Variants in NEK7 observed in about 807,000 individuals in gnomAD.
NEK7 encodes NIMA related kinase 7, also known as serine/threonine-protein kinase Nek7.
A neutral mutation model predicts 44.6 loss-of-function variants in NEK7; 18 were observed. The ratio of observed to expected loss-of-function variants is 0.40; its 90% CI spans 0.28 to 0.60. NEK7 has a LOEUF of 0.60. NEK7 is among the 20% of genes least tolerant of loss of function. The pLI, the probability that NEK7 is intolerant of heterozygous loss-of-function variation, is 0.38. For missense variants in NEK7, 256 were observed against 366.5 expected, an observed-to-expected ratio of 0.70 and a Z score of 2.46; for synonymous variants, 130 against 121.1, an observed-to-expected ratio of 1.07 and a Z score of -0.48.
rs151131232 is a variant in NEK7 at position 198,207,516 on chromosome 1, A to G, written c.-28-25037A>G. ...TTGAGATACGTCCATTCAATGGAGTAGTACTCAGCCATAAAAATGAACAAA... is the reference window on the plus strand; with the variant it reads ...TTGAGATACGTCCATTCAATGGAGTGGTACTCAGCCATAAAAATGAACAAA... On this transcript the variant is annotated intron_variant, in intron 1 of 9. Coordinates refer to ENST00000367385, the MANE Select transcript of NEK7 (RefSeq NM_133494.3). Among the ~76,000 whole-genome samples, 145 of 152,334 alleles carry G rather than the reference A, an allele frequency of 9.5e-4. 5 individuals are homozygous for G. The highest frequency in any genetic ancestry group is 6.8e-3 in the Middle Eastern group (2 of 294).
At chr1:198,247,709 A>C (rs1666874388) in intron 2 of NEK7, among the ~76,000 whole-genome samples, 2 of 151,424 alleles carry the variant, frequency 1.3e-5, no homozygotes, top group African/African-American at 4.9e-5. Context: ...ATAACAAATT[A>C]TTGCTTCTTT....
At chr1:198,267,476 C>CCCAGGGTGGATG (rs1653692206) in intron 5 of NEK7, among the ~76,000 whole-genome samples, 1 of 152,020 alleles carries the variant, frequency 6.6e-6, no homozygotes, top group Admixed American at 6.6e-5. Flanking sequence ...TGGAATCTCA[C>CCCAGGGTGGATG]TCTGTCGCCC....
intron 3 of NEK7, chr1:198,256,593 T>A (rs1234645160): frequency 6.8e-5 from 90 of 1,316,448 alleles, no homozygotes; most frequent in Non-Finnish European, 9.1e-5. Context: ...TGCTGATCAT[T>A]GAATTCATTC....
At chr1:198,182,136 C>A (rs1187968892) in intron 1 of NEK7, among the ~76,000 whole-genome samples, 1 of 152,008 alleles carries the variant, frequency 6.6e-6, no homozygotes, top group East Asian at 1.9e-4. Flanking sequence ...TCAGAATAAT[C>A]ATCTTCTCAA....
chr1:198,184,070 A>T (rs1334713099), intron 1 of NEK7, among the ~76,000 whole-genome samples: 4 of 152,200 alleles, frequency 2.6e-5, no homozygotes, highest in Non-Finnish European at 5.9e-5. Flanking sequence ...CTTTAAAATG[A>T]TTTTATAATG....
chr1:198,261,052 A>G (rs1454987897), intron 3 of NEK7, among the ~76,000 whole-genome samples: 5 of 151,962 alleles, frequency 3.3e-5, no homozygotes, highest in Admixed American at 3.3e-4. Context: ...GTAATTTTAC[A>G]CCCTTATTCC....
chr1:198,196,262 A>C (rs910938904), intron 1 of NEK7, among the ~76,000 whole-genome samples: 1 of 152,226 alleles, frequency 6.6e-6, no homozygotes, highest in South Asian at 2.1e-4. Context: ...TTAGTGCAGC[A>C]ACCAAGTAAA....
chr1:198,186,659 T>C (rs1476824447), intron 1 of NEK7, among the ~76,000 whole-genome samples: 1 of 152,172 alleles, frequency 6.6e-6, no homozygotes, highest in African/African-American at 2.4e-5. Flanking sequence ...TTGGTTGAAC[T>C]CAAATTTTCA....
chr1:198,263,308 A>G (rs565184505), intron 4 of NEK7, among the ~76,000 whole-genome samples: 10 of 151,934 alleles, frequency 6.6e-5, no homozygotes, highest in Non-Finnish European at 1.5e-4. Flanking sequence ...GTAAGGTCAA[A>G]ACAATGTTTT....
chr1:198,189,993 T>A (rs1385068238), intron 1 of NEK7, among the ~76,000 whole-genome samples: 2 of 152,162 alleles, frequency 1.3e-5, no homozygotes, highest in East Asian at 3.8e-4. Context: ...AGGCAAATGT[T>A]AAGAATGCAA....
At chr1:198,294,616 A>G (rs571698864) in intron 8 of NEK7, among the ~76,000 whole-genome samples, 9 of 152,244 alleles carry the variant, frequency 5.9e-5, no homozygotes, top group Admixed American at 4.6e-4. Context: ...TAGATTTAGC[A>G]TACTCATGTC....
At chr1:198,201,282 A>G (rs979248043) in intron 1 of NEK7, among the ~76,000 whole-genome samples, 1 of 152,152 alleles carries the variant, frequency 6.6e-6, no homozygotes, top group Non-Finnish European at 1.5e-5. Context: ...ATTTTAGGAT[A>G]CACTGAATGG....
At chr1:198,222,315 A>G (rs1004741249) in intron 1 of NEK7, among the ~76,000 whole-genome samples, 1 of 152,188 alleles carries the variant, frequency 6.6e-6, no homozygotes, top group South Asian at 2.1e-4. Context: ...GCTTTAGGTG[A>G]TAAACAACTA....
At chr1:198,287,348 C>A (rs1654404931) in intron 7 of NEK7, among the ~76,000 whole-genome samples, 1 of 151,942 alleles carries the variant, frequency 6.6e-6, no homozygotes, top group Non-Finnish European at 1.5e-5. Flanking sequence ...GAGTGTGGAT[C>A]ACGCCACTGC....
chr1:198,226,036 C>T (rs1666212758), intron 1 of NEK7, among the ~76,000 whole-genome samples: 1 of 152,054 alleles, frequency 6.6e-6, no homozygotes, highest in South Asian at 2.1e-4. Context: ...ACTGGTGATA[C>T]AGCTGTGGAT....
At chr1:198,231,232 T>C (rs1353247868) in intron 1 of NEK7, among the ~76,000 whole-genome samples, 1 of 147,614 alleles carries the variant, frequency 6.8e-6, no homozygotes, top group African/African-American at 2.5e-5. Context: ...TGCAAATAAA[T>C]AGCCAGTGCA....
intron 1 of NEK7, among the ~76,000 whole-genome samples, chr1:198,169,932 T>C (rs1457297267): frequency 2.0e-5 from 3 of 152,162 alleles, no homozygotes; most frequent in Non-Finnish European, 4.4e-5. Flanking sequence ...ATTTAAAGAA[T>C]GGCAGATGAC....
At chr1:198,258,809 C>T (rs1653360046) in intron 3 of NEK7, among the ~76,000 whole-genome samples, 2 of 152,100 alleles carry the variant, frequency 1.3e-5, no homozygotes, top group African/African-American at 4.8e-5. Flanking sequence ...AATGATGCCT[C>T]CTAAAGACTT....
chr1:198,171,411 T>G (rs1664435289), intron 1 of NEK7, among the ~76,000 whole-genome samples: 2 of 152,182 alleles, frequency 1.3e-5, no homozygotes, highest in Non-Finnish European at 2.9e-5. Context: ...CCGGGTGCAG[T>G]GGCTCATGCC....
Sources: gnomAD v4.1 joint callset for allele counts (sites outside exome capture counted in the v4.1 genomes callset) on GRCh38, gnomAD v4.1.1 for gene constraint, MANE v1.5 for transcripts, NCBI Gene and HGNC (gene_info 2026-07-23, HGNC 2026-07-21) for gene names.